The following VSTM5 variants were observed in gnomAD, a reference collection of about 807,000 sequenced individuals.
VSTM5 encodes V-set and transmembrane domain-containing protein 5.
Under a neutral mutation model 20.3 loss-of-function variants are expected in VSTM5, and 21 were observed. The ratio of observed to expected loss-of-function variants is 1.03; its 90% CI spans 0.73 to 1.49. The LOEUF (loss-of-function observed/expected upper bound fraction) is 1.49. Among genes scored for constraint, VSTM5 ranks in the 40% most tolerant of loss-of-function variants. The pLI is 0.00. For synonymous variants in VSTM5, 100 were observed against 102.5 expected (o/e 0.98, Z 0.14); for missense variants, 219 against 250.0 (o/e 0.88, Z 0.84).
intron 1 of VSTM5, among the ~76,000 whole-genome samples, chr11:93,829,121 G>T (rs976192102): frequency 6.6e-6 from 1 of 152,164 alleles, no homozygotes; most frequent in Non-Finnish European, 1.5e-5. Context: ...CTCTGATCAG[G>T]TCTCTGTCAC....
At chr11:93,842,707 G>A (rs1446302790) in intron 1 of VSTM5, among the ~76,000 whole-genome samples, 1 of 152,226 alleles carries the variant, frequency 6.6e-6, no homozygotes, top group African/African-American at 2.4e-5. Context: ...TGAATAGGAA[G>A]ATAAGGGAGA....
chr11:93,827,315 G>A lies in VSTM5; in HGVS notation c.92-5992C>T, dbSNP rs571757743. Reference sequence around the variant, plus strand: ...GGAGAATCTCTTGAACCCAGAAGGCGGACGTTGCAGTGAGCCGAGATCGTG... The same window carrying A: ...GGAGAATCTCTTGAACCCAGAAGGCAGACGTTGCAGTGAGCCGAGATCGTG... On this transcript the variant is annotated intron_variant, in intron 1 of 3. Coordinates refer to ENST00000409977, the MANE Select transcript of VSTM5 (RefSeq NM_001144871.2). 3.9e-5 allele frequency among the ~76,000 whole-genome samples: 6 copies of A among 152,268 alleles called. No individual in the cohort carries two copies. In the East Asian group the frequency reaches 5.8e-4, roughly 15 times the overall value.
chr11:93,848,426 C>G (rs1553601), intron 1 of VSTM5, among the ~76,000 whole-genome samples: 25,206 of 152,170 alleles, frequency 0.17, 2,508 homozygotes, highest in African/African-American at 0.28. Context: ...TTACTGCTGT[C>G]CATGAGACAG....
intron 1 of VSTM5, among the ~76,000 whole-genome samples, chr11:93,846,782 T>TCTG: frequency 6.8e-6 from 1 of 147,112 alleles, no homozygotes; most frequent in South Asian, 2.1e-4. Context: ...TTTTTTTTTT[T>TCTG]TTTGAGATGG....
chr11:93,847,699 C>A lies in VSTM5; in HGVS notation c.91+2713G>T, dbSNP rs560778441. Among the ~76,000 whole-genome samples, 3 of 152,336 alleles carry A rather than the reference C, an allele frequency of 2.0e-5. No individual in the cohort carries two copies. The East Asian group carries it at 5.8e-4, about 29-fold the overall frequency. On this transcript the variant is annotated intron_variant, in intron 1 of 3. Coordinates refer to ENST00000409977, the MANE Select transcript of VSTM5 (RefSeq NM_001144871.2). Reference sequence around the variant, plus strand: ...CTAATGTACTGGGAAAGGACATGAACAAATGTTCTAGAAAGGTGCCTGGTC... The same window carrying A: ...CTAATGTACTGGGAAAGGACATGAAAAAATGTTCTAGAAAGGTGCCTGGTC...
chr11:93,826,098 G>C (rs1409229274), intron 1 of VSTM5, among the ~76,000 whole-genome samples: 1 of 151,976 alleles, frequency 6.6e-6, no homozygotes, highest in African/African-American at 2.4e-5. Context: ...AAACTAGCCA[G>C]GTGTGGTGGT....
rs762109647 is a variant in VSTM5, at chr11:93,820,738, G to C, written c.559+5C>G. On this transcript the variant is annotated splice_donor_5th_base_variant and intron_variant, in intron 3 of 3. Coordinates refer to ENST00000409977, the MANE Select transcript of VSTM5 (RefSeq NM_001144871.2). Reference sequence around the variant, plus strand: ...CATGGATTATCACAAGGCCCAGGGGGTTACCTTTGAGTTTGTGTCTTCTCT... The same window carrying C: ...CATGGATTATCACAAGGCCCAGGGGCTTACCTTTGAGTTTGTGTCTTCTCT... The C allele has an allele frequency of 1.3e-6, 2 of 1,551,686 alleles. No homozygotes were observed. The highest frequency in any genetic ancestry group is 8.7e-7 in the Non-Finnish European group (1 of 1,147,000).
At chr11:93,836,353 C>T (rs1944322191) in intron 1 of VSTM5, among the ~76,000 whole-genome samples, 1 of 152,220 alleles carries the variant, frequency 6.6e-6, no homozygotes. Context: ...TCTGGCTCTC[C>T]ATTGCTCTAG....
chr11:93,846,780 T>TGTTTG (rs1565305351), intron 1 of VSTM5, among the ~76,000 whole-genome samples: 1 of 104,092 alleles, frequency 9.6e-6, no homozygotes, highest in African/African-American at 3.7e-5. Flanking sequence ...TTTTTTTTTT[T>TGTTTG]TTTTTGAGAT....
chr11:93,838,185 A>T (rs1479705236), intron 1 of VSTM5, among the ~76,000 whole-genome samples: 7 of 141,632 alleles, frequency 4.9e-5, no homozygotes, highest in East Asian at 3.9e-4. Flanking sequence ...GATTCAATTT[A>T]AAAAAGTCAG....
chr11:93,841,459 A>G (rs1021946784), intron 1 of VSTM5, among the ~76,000 whole-genome samples: 6 of 152,192 alleles, frequency 3.9e-5, no homozygotes, highest in African/African-American at 1.4e-4. Flanking sequence ...TTCTGGTAAC[A>G]CCTAGGTGAT....
chr11:93,836,918 G>A (rs1944327846), intron 1 of VSTM5, among the ~76,000 whole-genome samples: 1 of 151,694 alleles, frequency 6.6e-6, no homozygotes, highest in Admixed American at 6.6e-5. Flanking sequence ...ATGCCAAGCT[G>A]AGCACAGGAT....
intron 1 of VSTM5, among the ~76,000 whole-genome samples, chr11:93,823,258 ACTCCTGGCCTCAAC>A (rs551380356): frequency 6.5e-4 from 98 of 149,676 alleles, no homozygotes; most frequent in African/African-American, 2.3e-3. Context: ...CTGGTCTTGG[ACTCCTGGCCTCAAC>A]CTCCCAGAGT....
intron 1 of VSTM5, among the ~76,000 whole-genome samples, chr11:93,841,206 C>G (rs1230219546): frequency 6.6e-6 from 1 of 151,494 alleles, no homozygotes; most frequent in Non-Finnish European, 1.5e-5. Context: ...TAATTAGCCA[C>G]GGACCTAATC....
chr11:93,840,237 G>A (rs1944359926), intron 1 of VSTM5, among the ~76,000 whole-genome samples: 2 of 152,210 alleles, frequency 1.3e-5, no homozygotes, highest in African/African-American at 4.8e-5. Flanking sequence ...GACTGAATCA[G>A]CTAATCTGTT....
At chr11:93,839,577 G>A (rs1055134313) in intron 1 of VSTM5, among the ~76,000 whole-genome samples, 1 of 152,206 alleles carries the variant, frequency 6.6e-6, no homozygotes, top group African/African-American at 2.4e-5. Flanking sequence ...TCTATGAGGT[G>A]CATTAAAAAG....
chr11:93,838,444 C>A (rs1370829237), intron 1 of VSTM5, among the ~76,000 whole-genome samples: 1 of 151,920 alleles, frequency 6.6e-6, no homozygotes, highest in Non-Finnish European at 1.5e-5. Flanking sequence ...TGCACTCCAG[C>A]CTGGGCGACA....
chr11:93,828,042 G>A (rs921711865), intron 1 of VSTM5, among the ~76,000 whole-genome samples: 1 of 152,090 alleles, frequency 6.6e-6, no homozygotes, highest in African/African-American at 2.4e-5. Context: ...TATTTATTGA[G>A]TTAATAATTT....
intron 1 of VSTM5, among the ~76,000 whole-genome samples, chr11:93,841,702 G>A (rs559069888): frequency 2.0e-4 from 30 of 152,340 alleles, no homozygotes; most frequent in Non-Finnish European, 1.2e-4. Flanking sequence ...GGTCCCAGGA[G>A]GCCAGGCCCT....
Sources: gnomAD v4.1 joint callset for allele counts (sites outside exome capture counted in the v4.1 genomes callset) on GRCh38, gnomAD v4.1.1 for gene constraint, MANE v1.5 for transcripts, NCBI Gene and HGNC (gene_info 2026-07-23, HGNC 2026-07-21) for gene names.